The following DPP10 variants were observed in gnomAD, a reference collection of about 807,000 sequenced individuals.
DPP10 encodes the protein inactive dipeptidyl peptidase 10.
A neutral mutation model predicts 120.9 loss-of-function variants in DPP10; 33 were observed. The observed-to-expected ratio is 0.27, with a 90% CI of 0.21 to 0.37. DPP10 has a LOEUF of 0.37. Ranked by LOEUF, DPP10 falls within the 10% of genes least tolerant of loss-of-function variation. The pLI is 1.00. For synonymous variants in DPP10, 337 were observed against 326.1 expected (o/e 1.03, Z -0.36); for missense variants, 816 against 942.8 (o/e 0.87, Z 1.76).
chr2:114,834,423 T>A (rs878918441), intron 1 of DPP10, among the ~76,000 whole-genome samples: 1 of 151,484 alleles, frequency 6.6e-6, no homozygotes, highest in Admixed American at 6.6e-5. Context: ...CACACCTATG[T>A]ATATATAAGC....
At position 115,173,711 on chromosome 2, in the gene DPP10, G is replaced by A. The variant is rs62167261; in HGVS notation, c.61-135528G>A. Reference sequence around the variant, plus strand: ...GGTAATTATTAGTAACATGCACTGTGGGCTCATAGTTCTGACTCTGAGAGT... The same window carrying A: ...GGTAATTATTAGTAACATGCACTGTAGGCTCATAGTTCTGACTCTGAGAGT... On this transcript the variant is annotated intron_variant, in intron 1 of 25. Transcript: ENST00000410059. Among the ~76,000 whole-genome samples the A allele has an allele frequency of 7.3e-3, 1,117 of 152,224 alleles. 9 individuals are homozygous for A. The highest frequency in any genetic ancestry group is 0.014 in the Middle Eastern group (4 of 294).
chr2:114,877,326 G>A (rs948287972), intron 1 of DPP10, among the ~76,000 whole-genome samples: 1 of 152,142 alleles, frequency 6.6e-6, no homozygotes, highest in South Asian at 2.1e-4. Flanking sequence ...ATAGTAAGTA[G>A]TTGGCTAACA....
At chr2:115,570,297 A>G (rs2081263907) in intron 5 of DPP10, among the ~76,000 whole-genome samples, 3 of 152,204 alleles carry the variant, frequency 2.0e-5, no homozygotes, top group Admixed American at 6.5e-5. Flanking sequence ...TAATCTCATG[A>G]ACTCAATATA....
chr2:114,705,076 C>G (rs1212413386), intron 1 of DPP10, among the ~76,000 whole-genome samples: 1 of 152,058 alleles, frequency 6.6e-6, no homozygotes, highest in African/African-American at 2.4e-5. Flanking sequence ...TTTAAGTCAC[C>G]CAGTATATGG....
chr2:115,080,940 A>G (rs775892827), intron 1 of DPP10, among the ~76,000 whole-genome samples: 7 of 152,166 alleles, frequency 4.6e-5, no homozygotes, highest in Non-Finnish European at 7.3e-5. Flanking sequence ...TTATTCCACT[A>G]TTGACTGTCT....
At chr2:115,650,682 C>A (rs2087687188) in intron 5 of DPP10, among the ~76,000 whole-genome samples, 1 of 152,008 alleles carries the variant, frequency 6.6e-6, no homozygotes, top group African/African-American at 2.4e-5. Context: ...GTCTCCCAGA[C>A]TCAGCTAGCC....
intron 7 of DPP10, among the ~76,000 whole-genome samples, chr2:115,696,110 C>T (rs1334609049): frequency 6.6e-6 from 1 of 151,844 alleles, no homozygotes; most frequent in African/African-American, 2.4e-5. Flanking sequence ...CCTAAGGGAC[C>T]TATGGAATAC....
At chr2:114,542,006 G>A (rs918786129) in intron 1 of DPP10, among the ~76,000 whole-genome samples, 26 of 149,294 alleles carry the variant, frequency 1.7e-4, no homozygotes, top group East Asian at 3.9e-4. Flanking sequence ...ACCAGTTTCT[G>A]CTTGAATATA....
chr2:114,780,554 A>G (rs1682230958), intron 1 of DPP10, among the ~76,000 whole-genome samples: 1 of 152,118 alleles, frequency 6.6e-6, no homozygotes, highest in Admixed American at 6.6e-5. Flanking sequence ...TGTTATCACT[A>G]AATTCCATTT....
chr2:115,001,350 C>T (rs1408730099), intron 1 of DPP10, among the ~76,000 whole-genome samples: 4 of 152,116 alleles, frequency 2.6e-5, no homozygotes, highest in African/African-American at 7.2e-5. Context: ...TTCAATATCT[C>T]TTCATGTTAA....
intron 7 of DPP10, among the ~76,000 whole-genome samples, chr2:115,715,320 C>G (rs1374301657): frequency 2.0e-5 from 1 of 50,864 alleles, no homozygotes; most frequent in Non-Finnish European, 3.4e-5. Context: ...GCCTGGGCAA[C>G]AAGAGCAAAA....
intron 5 of DPP10, among the ~76,000 whole-genome samples, chr2:115,557,785 C>T (rs534067270): frequency 1.8e-4 from 28 of 152,294 alleles, no homozygotes; most frequent in Admixed American, 8.5e-4. Context: ...CTATTTGTCA[C>T]TTCCTGTGAA....
intron 1 of DPP10, among the ~76,000 whole-genome samples, chr2:114,930,491 C>A (rs1334665629): frequency 6.6e-6 from 1 of 152,176 alleles, no homozygotes; most frequent in Non-Finnish European, 1.5e-5. Flanking sequence ...CAGGAAAGTT[C>A]TTTGCTAAGG....
At chr2:115,094,475 A>G (rs1405544184) in intron 1 of DPP10, among the ~76,000 whole-genome samples, 2 of 152,148 alleles carry the variant, frequency 1.3e-5, no homozygotes, top group Non-Finnish European at 2.9e-5. Flanking sequence ...AACTTACATC[A>G]CATGGTAAAC....
chr2:114,503,269 G>A (rs550661721), intron 1 of DPP10, among the ~76,000 whole-genome samples: 1 of 152,264 alleles, frequency 6.6e-6, no homozygotes, highest in South Asian at 2.1e-4. Context: ...AATACTAAGT[G>A]GGACAGTGGT....
intron 1 of DPP10, among the ~76,000 whole-genome samples, chr2:114,990,221 A>G (rs1169383843): frequency 6.6e-6 from 1 of 152,190 alleles, no homozygotes; most frequent in African/African-American, 2.4e-5. Flanking sequence ...ACACATGTAT[A>G]AACATGTGGT....
chr2:115,746,219 GAT>G, intron 10 of DPP10, 36 bp downstream of exon 10: 1 of 1,511,386 alleles, frequency 6.6e-7, no homozygotes, highest in Non-Finnish European at 9.2e-7. Context: ...TGGGGAAATA[GAT>G]ATTTTCACTC....
chr2:115,177,778 G>GTTTGTTTA, intron 1 of DPP10, among the ~76,000 whole-genome samples: 1 of 152,090 alleles, frequency 6.6e-6, no homozygotes. Flanking sequence ...TTGTTTGTTT[G>GTTTGTTTA]TTTGAGACAG....
chr2:114,925,210 C>CAA (rs66986816), intron 1 of DPP10, among the ~76,000 whole-genome samples: 2,787 of 104,418 alleles, frequency 0.027, 72 homozygotes, highest in South Asian at 0.051. Flanking sequence ...GACTCTGTCT[C>CAA]AAAAAAAAAA....
Sources: allele counts gnomAD v4.1 joint callset (sites outside exome capture counted in the v4.1 genomes callset), GRCh38; gene constraint gnomAD v4.1.1; transcripts MANE v1.5; gene names NCBI Gene and HGNC (gene_info 2026-07-23, HGNC 2026-07-21).